The following CNBD1 variants were observed in gnomAD, a reference collection of about 807,000 sequenced individuals.
CNBD1 encodes the protein cyclic nucleotide binding domain containing 1.
A neutral mutation model predicts 54.4 loss-of-function variants in CNBD1; 71 were observed. That is an observed-to-expected ratio of 1.30 (90% CI 1.08 to 1.59). The LOEUF is 1.59. CNBD1 is among the 40% of genes most tolerant of loss of function. The probability of loss-of-function intolerance (pLI) is 0.00; values close to 1 mark genes in which losing one functional copy is unlikely to be tolerated. For synonymous variants in CNBD1, 182 were observed against 170.7 expected, an observed-to-expected ratio of 1.07 and a Z score of -0.51; for missense variants, 659 against 518.0, an observed-to-expected ratio of 1.27 and a Z score of -2.64.
chr8:86,948,955 G>C (rs1807538501), intron 4 of CNBD1, among the ~76,000 whole-genome samples: 1 of 152,068 alleles, frequency 6.6e-6, no homozygotes, highest in Non-Finnish European at 1.5e-5. Flanking sequence ...TAGGGGTCTA[G>C]TTGTTCTGCA....
intron 8 of CNBD1, among the ~76,000 whole-genome samples, chr8:87,329,765 A>G (rs1809779297): frequency 2.0e-5 from 3 of 152,052 alleles, no homozygotes; most frequent in African/African-American, 4.8e-5. Flanking sequence ...CAACCCTTAT[A>G]TATTATCCCT....
intron 4 of CNBD1, among the ~76,000 whole-genome samples, chr8:87,165,086 A>G (rs747237254): frequency 2.7e-5 from 4 of 150,678 alleles, no homozygotes; most frequent in Non-Finnish European, 4.4e-5. Context: ...TGAATTTTCC[A>G]TTTTTTCCTA....
chr8:87,396,514 T>A (rs1811410535), intron 2 of CNBD1, among the ~76,000 whole-genome samples: 2 of 152,050 alleles, frequency 1.3e-5, no homozygotes, highest in South Asian at 2.1e-4. Flanking sequence ...GTGGCACAGA[T>A]ATTTACCAGG....
intron 8 of CNBD1, among the ~76,000 whole-genome samples, chr8:87,290,238 A>T (rs914850720): frequency 6.6e-6 from 1 of 151,986 alleles, no homozygotes; most frequent in Non-Finnish European, 1.5e-5. Context: ...GTTATGTCTC[A>T]AAAACAAAGA....
At chr8:87,344,171 T>A (rs922402053) in intron 8 of CNBD1, among the ~76,000 whole-genome samples, 2 of 152,030 alleles carry the variant, frequency 1.3e-5, no homozygotes, top group Non-Finnish European at 2.9e-5. Context: ...TAACCCAACA[T>A]AATGTGTCAA....
intron 8 of CNBD1, among the ~76,000 whole-genome samples, chr8:87,340,692 T>A (rs904580905): frequency 6.6e-6 from 1 of 152,152 alleles, no homozygotes; most frequent in Admixed American, 6.5e-5. Context: ...TTAATTTGCT[T>A]TATAAAGTCT....
intron 3 of CNBD1, among the ~76,000 whole-genome samples, chr8:86,914,674 G>A (rs1809155251): frequency 6.6e-6 from 1 of 152,008 alleles, no homozygotes; most frequent in South Asian, 2.1e-4. Context: ...GTTTCTTTTT[G>A]TAAAGAGTTA....
chr8:87,046,507 A>G (rs575375163), intron 4 of CNBD1, among the ~76,000 whole-genome samples: 2 of 152,308 alleles, frequency 1.3e-5, no homozygotes, highest in African/African-American at 2.4e-5. Context: ...CACTGCCACT[A>G]TAGTGCATGT....
At chr8:87,417,428 A>G (rs1276746079) in intron 2 of CNBD1, among the ~76,000 whole-genome samples, 1 of 152,044 alleles carries the variant, frequency 6.6e-6, no homozygotes, top group East Asian at 1.9e-4. Flanking sequence ...TTTGACGATA[A>G]AAAGTACTGA....
chr8:87,380,600 T>G (rs1244688644), intron 10 of CNBD1, among the ~76,000 whole-genome samples: 3 of 152,054 alleles, frequency 2.0e-5, no homozygotes, highest in Non-Finnish European at 4.4e-5. Context: ...TCTGTAGGTC[T>G]CATTGGGTAA....
At chr8:87,404,795 C>T (rs776872237) in intron 2 of CNBD1, among the ~76,000 whole-genome samples, 6 of 151,664 alleles carry the variant, frequency 4.0e-5, no homozygotes, top group East Asian at 1.9e-4. Context: ...TCTTCTGCTA[C>T]TAGTCAGTCA....
chr8:87,034,058 G>A (rs529646263), intron 4 of CNBD1, among the ~76,000 whole-genome samples: 1 of 152,238 alleles, frequency 6.6e-6, no homozygotes, highest in Non-Finnish European at 1.5e-5. Flanking sequence ...AGGTTTTCAT[G>A]TTGCTAGTGT....
At chr8:87,050,516 A>G (rs2130622828) in intron 4 of CNBD1, among the ~76,000 whole-genome samples, 1 of 152,302 alleles carries the variant, frequency 6.6e-6, no homozygotes, top group Admixed American at 6.5e-5. Context: ...TGCCCAAACA[A>G]GTGAGGGCTG....
At chr8:87,385,378 GGGTGACA>G (rs1354677443), downstream of CNBD1, among the ~76,000 whole-genome samples, 3 of 152,240 alleles carry the variant, frequency 2.0e-5, no homozygotes, top group African/African-American at 7.2e-5. Context: ...TCAAAGAAAG[GGGTGACA>G]GATGGCACCT....
intron 4 of CNBD1, among the ~76,000 whole-genome samples, chr8:87,034,649 CAT>C (rs1167791562): frequency 6.6e-6 from 1 of 152,046 alleles, no homozygotes; most frequent in African/African-American, 2.4e-5. Flanking sequence ...TAAATGATAA[CAT>C]AGACTCGTAT....
At chr8:87,418,962 A>C (rs751679784) in intron 2 of CNBD1, among the ~76,000 whole-genome samples, 10 of 151,922 alleles carry the variant, frequency 6.6e-5, no homozygotes, top group African/African-American at 9.7e-5. Flanking sequence ...TATACACTAA[A>C]GAGAATTGAA....
intron 8 of CNBD1, among the ~76,000 whole-genome samples, chr8:87,345,420 C>A (rs184055907): frequency 6.6e-6 from 1 of 152,190 alleles, no homozygotes; most frequent in Non-Finnish European, 1.5e-5. Context: ...GGTGCTCTAC[C>A]CCTTCTGCAT....
At chr8:87,161,696 C>T (rs566282036) in intron 4 of CNBD1, among the ~76,000 whole-genome samples, 1 of 152,218 alleles carries the variant, frequency 6.6e-6, no homozygotes, top group South Asian at 2.1e-4. Context: ...CCAATTTCTA[C>T]AGTACTCAGT....
intron 4 of CNBD1, among the ~76,000 whole-genome samples, chr8:86,991,825 A>G (rs919849483): frequency 2.0e-5 from 3 of 152,122 alleles, no homozygotes; most frequent in African/African-American, 7.2e-5. Context: ...TGTAGTTTTG[A>G]GAGATCTTCT....
Sources: allele counts gnomAD v4.1 joint callset (sites outside exome capture counted in the v4.1 genomes callset), GRCh38; gene constraint gnomAD v4.1.1; transcripts MANE v1.5; gene names NCBI Gene and HGNC (gene_info 2026-07-23, HGNC 2026-07-21).